CERS3: variants seen among roughly 807,000 people sequenced by gnomAD.
CERS3 encodes LAG1 homolog, ceramide synthase 3.
A neutral mutation model predicts 50.3 loss-of-function variants in CERS3; 33 were observed. The observed-to-expected ratio is 0.66, with a 90% CI of 0.50 to 0.88. CERS3 has a LOEUF of 0.88. CERS3 is among the 40% of genes least tolerant of loss of function. CERS3 has a pLI of 0.00. For synonymous variants in CERS3, 176 were observed against 155.2 expected (o/e 1.13, Z -0.99); for missense variants, 470 against 460.3 (o/e 1.02, Z -0.19).
intron 11 of CERS3, among the ~76,000 whole-genome samples, chr15:100,443,029 C>T (rs1220437398): frequency 6.6e-6 from 1 of 151,974 alleles, no homozygotes; most frequent in Non-Finnish European, 1.5e-5. Context: ...TAGTTATCCC[C>T]ACCTGCCCAG....
At chr15:100,442,245 T>C (rs2033713508) in intron 11 of CERS3, among the ~76,000 whole-genome samples, 1 of 152,202 alleles carries the variant, frequency 6.6e-6, no homozygotes, top group African/African-American at 2.4e-5. Flanking sequence ...TTTACAGCCC[T>C]AGACCCTAAA....
At chr15:100,518,383 G>A (rs941843274) in intron 2 of CERS3, among the ~76,000 whole-genome samples, 8 of 152,008 alleles carry the variant, frequency 5.3e-5, no homozygotes, top group African/African-American at 1.5e-4. Context: ...GGATATCTGC[G>A]GTGCCTGGAA....
chr15:100,526,062 C>CTGTG (rs1427916546), intron 1 of CERS3, among the ~76,000 whole-genome samples: 2 of 152,236 alleles, frequency 1.3e-5, no homozygotes, highest in African/African-American at 4.8e-5. Flanking sequence ...GTGTTCCCCT[C>CTGTG]TGCTATCTCT....
intron 1 of CERS3, among the ~76,000 whole-genome samples, chr15:100,527,443 T>C (rs185588912): frequency 6.6e-5 from 10 of 152,220 alleles, no homozygotes; most frequent in African/African-American, 2.4e-4. Context: ...GGTGATAGAT[T>C]GATTGATTGA....
upstream of CERS3, among the ~76,000 whole-genome samples, chr15:100,530,319 T>C (rs1223016330): frequency 2.6e-5 from 4 of 152,208 alleles, no homozygotes; most frequent in Non-Finnish European, 5.9e-5. Flanking sequence ...CTTCTACCTA[T>C]AGGATCAAGA....
chr15:100,506,470 C>CCACCG (rs3084750), intron 2 of CERS3, among the ~76,000 whole-genome samples: 1 of 133,512 alleles, frequency 7.5e-6, no homozygotes, highest in African/African-American at 3.0e-5. Flanking sequence ...GACCCCCCCG[C>CCACCG]CGCCCCACAC....
intron 1 of CERS3, among the ~76,000 whole-genome samples, chr15:100,525,673 G>C (rs947772160): frequency 1.3e-5 from 2 of 151,976 alleles, no homozygotes; most frequent in Non-Finnish European, 2.9e-5. Flanking sequence ...TGCCAATTGG[G>C]GTTTTTATAC....
intron 11 of CERS3, among the ~76,000 whole-genome samples, chr15:100,436,730 ACCAG>A (rs1448103681): frequency 6.6e-6 from 1 of 152,138 alleles, no homozygotes; most frequent in Non-Finnish European, 1.5e-5. Flanking sequence ...GTGATAGGAC[ACCAG>A]CTATAGGGGA....
At chr15:100,440,882 G>A (rs1413517867) in intron 11 of CERS3, among the ~76,000 whole-genome samples, 2 of 152,038 alleles carry the variant, frequency 1.3e-5, no homozygotes, top group Admixed American at 1.3e-4. Flanking sequence ...TCATTTTCTG[G>A]TAGAGACAAA....
intron 11 of CERS3, among the ~76,000 whole-genome samples, chr15:100,418,518 T>C (rs1436067421): frequency 1.4e-5 from 2 of 147,938 alleles, no homozygotes; most frequent in Non-Finnish European, 3.0e-5. Flanking sequence ...CAGGATATTA[T>C]CCAGGAGAAC....
intron 3 of CERS3, among the ~76,000 whole-genome samples, chr15:100,492,366 A>C (rs2035678605): frequency 6.6e-6 from 1 of 152,152 alleles, no homozygotes. Flanking sequence ...TTTTTACTCC[A>C]CGTATTTTGG....
At chr15:100,414,148 G>A (rs1171435077) in intron 11 of CERS3, among the ~76,000 whole-genome samples, 4 of 152,126 alleles carry the variant, frequency 2.6e-5, no homozygotes, top group Non-Finnish European at 5.9e-5. Context: ...GAGAATCAGA[G>A]AGCCAAATCA....
At chr15:100,517,899 G>C (rs1304867274) in intron 2 of CERS3, among the ~76,000 whole-genome samples, 1 of 152,206 alleles carries the variant, frequency 6.6e-6, no homozygotes, top group Non-Finnish European at 1.5e-5. Flanking sequence ...CTCAGACTCC[G>C]AAATCACAAG....
intron 9 of CERS3, 36 bp from the exon 10 acceptor site, chr15:100,469,520 A>G (rs2034896193): frequency 1.5e-6 from 2 of 1,368,892 alleles, no homozygotes; most frequent in Non-Finnish European, 2.1e-6. Flanking sequence ...TAAAGTGACA[A>G]TAGCCTACAT....
At chr15:100,457,757 A>T (rs987676973) in intron 10 of CERS3, among the ~76,000 whole-genome samples, 4 of 152,230 alleles carry the variant, frequency 2.6e-5, no homozygotes, top group African/African-American at 9.6e-5. Flanking sequence ...TATTTTCCAG[A>T]GTGGTAGCTT....
chr15:100,466,660 G>A (rs868810245), intron 10 of CERS3, among the ~76,000 whole-genome samples: 7 of 67,032 alleles, frequency 1.0e-4, no homozygotes, highest in Admixed American at 7.0e-4. Context: ...GTATTCCAGC[G>A]GACAGCCCCC....
At chr15:100,544,458 A>ACCTG (rs1567697408) in intron 1 of CERS3, 9 of 46,136 alleles carry the variant, frequency 2.0e-4, no homozygotes, top group Non-Finnish European at 3.4e-4. Context: ...CTCTCGGCCT[A>ACCTG]GGTCTGCGCG....
chr15:100,511,523 T>C, intron 2 of CERS3, among the ~76,000 whole-genome samples: 1 of 150,444 alleles, frequency 6.6e-6, no homozygotes, highest in Non-Finnish European at 1.5e-5. Context: ...GAGCCTGGGT[T>C]TCCATTAACA....
At chr15:100,486,393 C>T (rs2035484248) in intron 4 of CERS3, among the ~76,000 whole-genome samples, 1 of 152,074 alleles carries the variant, frequency 6.6e-6, no homozygotes, top group African/African-American at 2.4e-5. Context: ...GCACTTTGAC[C>T]CCCATGGAAA....
Sources: gnomAD v4.1 joint callset for allele counts (sites outside exome capture counted in the v4.1 genomes callset) on GRCh38, gnomAD v4.1.1 for gene constraint, MANE v1.5 for transcripts, NCBI Gene and HGNC (gene_info 2026-07-23, HGNC 2026-07-21) for gene names.